The following CD200R1 variants were observed in gnomAD, a reference collection of about 807,000 sequenced individuals.
CD200R1 encodes the protein CD200 receptor 1, also known as cell surface glycoprotein CD200 receptor 1.
Under a neutral mutation model 38.1 loss-of-function variants are expected in CD200R1, and 30 were observed. That is an observed-to-expected ratio of 0.79 (90% CI 0.59 to 1.07). The LOEUF is 1.07. Among genes scored for constraint, CD200R1 ranks in the 50% least tolerant of loss-of-function variants. CD200R1 has a pLI of 0.00. For missense variants in CD200R1, 372 were observed against 415.4 expected (o/e 0.90, Z 0.91); for synonymous variants, 128 against 152.1 (o/e 0.84, Z 1.16).
At chr3:112,934,156 C>T (rs2107309937) in intron 2 of CD200R1, among the ~76,000 whole-genome samples, 1 of 152,014 alleles carries the variant, frequency 6.6e-6, no homozygotes, top group South Asian at 2.1e-4. Flanking sequence ...AGATTTAACC[C>T]AAATACATCC....
chr3:112,948,106 T>C (rs181583952), intron 1 of CD200R1, among the ~76,000 whole-genome samples, 182 bp from the exon 2 acceptor site: 1 of 152,332 alleles, frequency 6.6e-6, no homozygotes, highest in Admixed American at 6.5e-5. Context: ...TATAAACTTT[T>C]GACTTTCTCT....
intron 5 of CD200R1, among the ~76,000 whole-genome samples, chr3:112,926,993 G>A (rs1025355608): frequency 6.6e-6 from 1 of 152,070 alleles, no homozygotes. Context: ...GGTGAAGTGT[G>A]GGGCTAAAAG....
rs1417363065 is a variant in CD200R1 at position 112,923,759 on chromosome 3, T to C, written c.965A>G (p.Asn322Ser). The change falls in exon 8 of 8, where the codon AAT becomes AGT. Residue 322 changes from asparagine to serine, a missense_variant. Coordinates refer to ENST00000308611, the MANE Select transcript of CD200R1 (RefSeq NM_138806.4). The part of the protein sequence containing the change: ...QPYASYTEKN[N>S]PLYDTTNKVK... The stretch of plus-strand genomic sequence containing the variant: ...CTTGTTTGTAGTATCATAGAGAGGA[T>C]TGTTCTTCTCTGTGTAGCTGGCATA... The C allele has an allele frequency of 1.2e-6, 2 of 1,608,680 alleles. No individual in the cohort carries two copies. The highest frequency in any genetic ancestry group is 2.2e-5 in the East Asian group (1 of 44,502).
intron 1 of CD200R1, among the ~76,000 whole-genome samples, chr3:112,966,501 C>T (rs958646319): frequency 2.6e-5 from 4 of 152,018 alleles, no homozygotes; most frequent in East Asian, 1.9e-4. Context: ...ACCATTTGGA[C>T]ATTTTTTTCA....
intron 5 of CD200R1, 42 bp downstream of exon 5, chr3:112,928,774 G>T: frequency 6.8e-7 from 1 of 1,472,584 alleles, no homozygotes; most frequent in Non-Finnish European, 9.3e-7. Context: ...TCTTTTAAAA[G>T]AATGGAAAAA....
chr3:112,971,604 A>G (rs1576158228), intron 1 of CD200R1, among the ~76,000 whole-genome samples: 1 of 152,158 alleles, frequency 6.6e-6, no homozygotes, highest in South Asian at 2.1e-4. Flanking sequence ...CCGCCACTCA[A>G]TGGGACACTG....
At chr3:112,954,308 G>T (rs1011600906) in intron 1 of CD200R1, among the ~76,000 whole-genome samples, 1 of 152,122 alleles carries the variant, frequency 6.6e-6, no homozygotes, top group Non-Finnish European at 1.5e-5. Flanking sequence ...GGGGATACTT[G>T]ATATGATACC....
At chr3:112,961,927 C>T (rs1576151858) in intron 1 of CD200R1, among the ~76,000 whole-genome samples, 1 of 151,848 alleles carries the variant, frequency 6.6e-6, no homozygotes, top group African/African-American at 2.4e-5. Context: ...TTAGGTACAA[C>T]ATAGGGATAA....
chr3:112,955,381 C>T (rs1362166933), intron 1 of CD200R1, among the ~76,000 whole-genome samples: 1 of 152,014 alleles, frequency 6.6e-6, no homozygotes, highest in Non-Finnish European at 1.5e-5. Flanking sequence ...GCCTTCAGAT[C>T]TATTAATACT....
chr3:112,932,778 TC>T (rs1003783317), intron 2 of CD200R1, among the ~76,000 whole-genome samples: 1 of 150,542 alleles, frequency 6.6e-6, no homozygotes, highest in East Asian at 2.0e-4. Context: ...CCAGTGGACA[TC>T]CCCCCCAGGC....
intron 2 of CD200R1, among the ~76,000 whole-genome samples, chr3:112,933,834 A>C (rs1388180729): frequency 6.6e-6 from 1 of 152,164 alleles, no homozygotes; most frequent in Non-Finnish European, 1.5e-5. Context: ...TCAATGAATG[A>C]AATAAAAAAT....
intron 1 of CD200R1, among the ~76,000 whole-genome samples, chr3:112,958,348 T>C (rs1941147883): frequency 1.3e-5 from 2 of 152,264 alleles, no homozygotes; most frequent in Admixed American, 1.3e-4. Flanking sequence ...AGAATCATTC[T>C]ACTAATTGAA....
intron 1 of CD200R1, among the ~76,000 whole-genome samples, chr3:112,958,390 A>G (rs186955468): frequency 6.6e-6 from 1 of 152,188 alleles, no homozygotes; most frequent in Non-Finnish European, 1.5e-5. Flanking sequence ...AATACTACAT[A>G]CTACAAAAAA....
At chr3:112,967,188 A>T (rs1445485517) in intron 1 of CD200R1, among the ~76,000 whole-genome samples, 1 of 151,904 alleles carries the variant, frequency 6.6e-6, no homozygotes, top group East Asian at 1.9e-4. Flanking sequence ...CCAAAGTCTC[A>T]GCTGCTTTTT....
chr3:112,932,670 C>A (rs1274382771), intron 2 of CD200R1, among the ~76,000 whole-genome samples: 1 of 152,106 alleles, frequency 6.6e-6, no homozygotes, highest in Non-Finnish European at 1.5e-5. Context: ...ATCTGGGAAA[C>A]TGTCAAGGGT....
intron 1 of CD200R1, among the ~76,000 whole-genome samples, chr3:112,953,677 T>C (rs1168210846): frequency 6.6e-6 from 1 of 152,170 alleles, no homozygotes; most frequent in African/African-American, 2.4e-5. Flanking sequence ...TCTTGGTAGG[T>C]TGTCTATGTC....
chr3:112,936,261 C>A (rs74771334), intron 2 of CD200R1, among the ~76,000 whole-genome samples: 1 of 152,190 alleles, frequency 6.6e-6, no homozygotes, highest in African/African-American at 2.4e-5. Flanking sequence ...CTGCAATGAA[C>A]ATACACGTGC....
At position 112,947,851 on chromosome 3, in the gene CD200R1, A is replaced by G; in HGVS notation, c.136+5T>C. On this transcript the variant is annotated splice_donor_5th_base_variant and intron_variant, in intron 2 of 7. Coordinates refer to ENST00000308611, the MANE Select transcript of CD200R1 (RefSeq NM_138806.4). The stretch of plus-strand genomic sequence containing the variant: ...CTAGAATTATTGTTAAAAGATGCAC[A>G]TTACCTAAAGCATGATTCTCCTTGC... 1 of 1,600,010 alleles carries G rather than the reference A, an allele frequency of 6.2e-7. No homozygotes were observed. Among genetic ancestry groups the G allele is most frequent in the Non-Finnish European group, 8.6e-7 (1 of 1,167,190 alleles).
intron 1 of CD200R1, among the ~76,000 whole-genome samples, chr3:112,966,476 G>T (rs1933165304): frequency 6.6e-6 from 1 of 152,070 alleles, no homozygotes; most frequent in Admixed American, 6.6e-5. Context: ...TATTATTGGG[G>T]ATCTGTAAAC....
Sources: allele counts gnomAD v4.1 joint callset (sites outside exome capture counted in the v4.1 genomes callset), GRCh38; gene constraint gnomAD v4.1.1; transcripts MANE v1.5; gene names NCBI Gene and HGNC (gene_info 2026-07-23, HGNC 2026-07-21).